Variants in KGD4 observed in about 807,000 individuals in gnomAD.
KGD4 encodes alpha-ketoglutarate dehydrogenase component 4.
At chr5:69,226,941 G>A in the KGD4 span, among the ~76,000 whole-genome samples, 1 of 151,952 alleles carries the variant, frequency 6.6e-6, no homozygotes, top group Non-Finnish European at 1.5e-5. Context: ...GTGCTATCTT[G>A]GCACACTGCA....
the KGD4 span, chr5:69,217,780 T>A: frequency 1.2e-6 from 2 of 1,610,670 alleles, no homozygotes; most frequent in East Asian, 2.2e-5. Flanking sequence ...GGGACTCCAG[T>A]GATCGCCGCG....
chr5:69,219,375 C>G, the KGD4 span, among the ~76,000 whole-genome samples: 4 of 152,156 alleles, frequency 2.6e-5, no homozygotes, highest in African/African-American at 9.7e-5. Context: ...GGGTCCAGAG[C>G]TGAGGGGTTC....
At chr5:69,226,294 T>C in the KGD4 span, 1 of 1,331,740 alleles carries the variant, frequency 7.5e-7, no homozygotes, top group Non-Finnish European at 1.1e-6. Flanking sequence ...ATCATTTCTT[T>C]TAGTTAATGA....
At chr5:69,229,771 T>C in the KGD4 span, 57 of 152,296 alleles carry the variant, frequency 3.7e-4, no homozygotes, top group African/African-American at 1.3e-3. Flanking sequence ...GATAAAAATA[T>C]AGTCAAGCTA....
At chr5:69,220,380 G>A in the KGD4 span, among the ~76,000 whole-genome samples, 3 of 152,142 alleles carry the variant, frequency 2.0e-5, no homozygotes, top group Non-Finnish European at 4.4e-5. Context: ...AGCCAGCTGG[G>A]CACGGTGGCT....
the KGD4 span, among the ~76,000 whole-genome samples, chr5:69,221,026 C>T: frequency 1.3e-5 from 2 of 152,058 alleles, no homozygotes; most frequent in Admixed American, 6.6e-5. Flanking sequence ...ATCTCAAGTA[C>T]CCAGGGACGT....
the KGD4 span, chr5:69,226,402 G>A: frequency 6.3e-7 from 1 of 1,590,546 alleles, no homozygotes; most frequent in East Asian, 2.2e-5. Flanking sequence ...AAACCCAATG[G>A]TGAGTTGTAT....
At chr5:69,217,873 T>C in the KGD4 span, 4 of 1,613,734 alleles carry the variant, frequency 2.5e-6, no homozygotes, top group Non-Finnish European at 3.4e-6. Flanking sequence ...GTCGTTCAGG[T>C]AAAGCAATTT....
At chr5:69,228,646 G>A in the KGD4 span, among the ~76,000 whole-genome samples, 1 of 152,120 alleles carries the variant, frequency 6.6e-6, no homozygotes, top group Non-Finnish European at 1.5e-5. Flanking sequence ...ATTTTTCAGA[G>A]TGTAAAGAGC....
the KGD4 span, among the ~76,000 whole-genome samples, chr5:69,221,965 G>T: frequency 1.0e-4 from 3 of 29,704 alleles, no homozygotes; most frequent in African/African-American, 4.1e-4. Flanking sequence ...TCAGGAGTTC[G>T]AGACCAGCCT....
the KGD4 span, chr5:69,218,183 G>T: frequency 2.5e-6 from 1 of 404,702 alleles, no homozygotes; most frequent in African/African-American, 2.1e-5. Context: ...GCGTGTGCGG[G>T]TGAGGCGACC....
chr5:69,228,209 C>A, the KGD4 span: 1 of 1,548,224 alleles, frequency 6.5e-7, no homozygotes, highest in Non-Finnish European at 8.6e-7. Context: ...GTATCAGAAG[C>A]TTTGAGATCA....
the KGD4 span, among the ~76,000 whole-genome samples, chr5:69,221,096 C>T: frequency 6.6e-6 from 1 of 151,832 alleles, no homozygotes; most frequent in African/African-American, 2.4e-5. Context: ...TTTTTGTTCA[C>T]GTGTTTATCT....
At chr5:69,228,203 C>A in the KGD4 span, 1 of 1,528,960 alleles carries the variant, frequency 6.5e-7, no homozygotes, top group Non-Finnish European at 8.7e-7. Flanking sequence ...ATTTCAGTAT[C>A]AGAAGCTTTG....
At chr5:69,218,470 A>ATG in the KGD4 span, among the ~76,000 whole-genome samples, 80,549 of 148,466 alleles carry the variant, frequency 0.54, 23,574 homozygotes, top group Non-Finnish European at 0.67. Context: ...GTGTATATTA[A>ATG]TGTGTGTGTG....
At chr5:69,228,443 T>C in the KGD4 span, 5 of 1,504,430 alleles carry the variant, frequency 3.3e-6, no homozygotes, top group Non-Finnish European at 3.6e-6. Flanking sequence ...ATTTGGGCTT[T>C]GGGGATTTCA....
At chr5:69,220,047 TAG>T in the KGD4 span, among the ~76,000 whole-genome samples, 1 of 151,784 alleles carries the variant, frequency 6.6e-6, no homozygotes, top group Non-Finnish European at 1.5e-5. Flanking sequence ...CTGGGCAAAA[TAG>T]CAAGACCCCA....
chr5:69,225,567 CTTTTTTTTTTTT>C, the KGD4 span, among the ~76,000 whole-genome samples: 1 of 120,268 alleles, frequency 8.3e-6, no homozygotes, highest in Non-Finnish European at 1.7e-5. Context: ...GCTCAGCCAC[CTTTTTTTTTTTT>C]TTTTTTTTTA....
At chr5:69,218,907 T>A in the KGD4 span, among the ~76,000 whole-genome samples, 1 of 152,210 alleles carries the variant, frequency 6.6e-6, no homozygotes, top group African/African-American at 2.4e-5. Context: ...TAGTTAAAGA[T>A]TCTGTAAGGA....
Sources: gnomAD v4.1 joint callset for allele counts (sites outside exome capture counted in the v4.1 genomes callset) on GRCh38, gnomAD v4.1.1 for gene constraint, MANE v1.5 for transcripts, NCBI Gene and HGNC (gene_info 2026-07-23, HGNC 2026-07-21) for gene names.